GLB1L3: variants seen among roughly 807,000 people sequenced by gnomAD.
The protein encoded by GLB1L3 is galactosidase beta 1 like 3, also known as beta-galactosidase-1-like protein 3.
A neutral mutation model predicts 89.5 loss-of-function variants in GLB1L3; 89 were observed. The observed-to-expected ratio is 0.99, with a 90% CI of 0.84 to 1.19. The LOEUF (loss-of-function observed/expected upper bound fraction) is 1.19. Ranked by LOEUF, GLB1L3 falls within the 50% of genes most tolerant of loss-of-function variation. The pLI is 0.00. For synonymous variants in GLB1L3, 314 were observed against 312.3 expected (o/e 1.01, Z -0.06); for missense variants, 812 against 813.3 (o/e 1.00, Z 0.02).
At chr11:134,310,324 G>C (rs1383813153) in intron 11 of GLB1L3, 1 of 531,154 alleles carries the variant, frequency 1.9e-6, no homozygotes, top group East Asian at 2.9e-5. Context: ...GGTTGAACAA[G>C]TTTGCATTAG....
rs77085433 is a variant in GLB1L3 at position 134,311,322 on chromosome 11, C to T, written c.1287+152C>T. On this transcript the variant is annotated intron_variant, in intron 13 of 19. Transcript: ENST00000431683. The stretch of plus-strand genomic sequence containing the variant: ...TGGGACAAGAGCCACCAGCTCCTTC[C>T]GGGTGGACTGTGAAGGGGTTTGACC... 1,266 of 676,956 alleles carry T rather than the reference C, an allele frequency of 1.9e-3. 13 individuals are homozygous for T. Among genetic ancestry groups the T allele is most frequent in the African/African-American group, 0.018 (998 of 56,498 alleles). 41.9% of individuals were successfully genotyped at this position (676,956 alleles called of 1,614,324 possible). A position where few individuals can be genotyped will look rare whatever the true frequency, so the allele number is the denominator to read the frequency against.
chr11:134,316,187 T>C (rs1039157838), intron 18 of GLB1L3, among the ~76,000 whole-genome samples: 1 of 151,986 alleles, frequency 6.6e-6, no homozygotes, highest in African/African-American at 2.4e-5. Context: ...TTTGCCTATA[T>C]TGGAAATGAC....
At chr11:134,290,656 A>G (rs1186530934) in intron 7 of GLB1L3, among the ~76,000 whole-genome samples, 1 of 150,722 alleles carries the variant, frequency 6.6e-6, no homozygotes, top group African/African-American at 2.4e-5. Context: ...GTCTGACTCG[A>G]TAAGCACAGG....
At chr11:134,310,875 A>T (rs1942697939) in intron 12 of GLB1L3, 189 bp from the exon 13 acceptor site, 1 of 625,550 alleles carries the variant, frequency 1.6e-6, no homozygotes, top group East Asian at 2.7e-5. Flanking sequence ...ACTGAAGCAT[A>T]AAGATAGTAA....
At chr11:134,306,540 A>G (rs1942211943) in intron 9 of GLB1L3, among the ~76,000 whole-genome samples, 1 of 152,244 alleles carries the variant, frequency 6.6e-6, no homozygotes, top group Non-Finnish European at 1.5e-5. Context: ...ATCTTAGAGC[A>G]GCAGCATGCC....
chr11:134,302,789 G>GA (rs1293305812), intron 9 of GLB1L3, among the ~76,000 whole-genome samples: 2 of 152,164 alleles, frequency 1.3e-5, no homozygotes, highest in Non-Finnish European at 2.9e-5. Flanking sequence ...TGTTTGTAAT[G>GA]AATGTATTTT....
At chr11:134,320,139 C>CACCT (rs896504216), downstream of GLB1L3, among the ~76,000 whole-genome samples, 4 of 152,240 alleles carry the variant, frequency 2.6e-5, no homozygotes, top group Non-Finnish European at 5.9e-5. Flanking sequence ...AAATTCAAAC[C>CACCT]AATGCACTAT....
At chr11:134,296,748 A>G (rs959964273) in intron 9 of GLB1L3, among the ~76,000 whole-genome samples, 12 of 150,736 alleles carry the variant, frequency 8.0e-5, no homozygotes, top group African/African-American at 2.4e-4. Flanking sequence ...TGTAAATGAC[A>G]AGTTAATGGG....
intron 1 of GLB1L3, 61 bp from the exon 2 acceptor site, chr11:134,277,265 C>G (rs894432757): frequency 6.2e-7 from 1 of 1,609,484 alleles, no homozygotes; most frequent in Non-Finnish European, 8.5e-7. Flanking sequence ...AGCTTCCCGG[C>G]CCTTGCAGCC....
At chr11:134,308,440 C>CCATCAT (rs1942455256) in intron 10 of GLB1L3, among the ~76,000 whole-genome samples, 7 of 56,564 alleles carry the variant, frequency 1.2e-4, no homozygotes, top group Admixed American at 4.6e-4. Context: ...ACCACCACCA[C>CCATCAT]CACCATCACC....
downstream of GLB1L3, among the ~76,000 whole-genome samples, chr11:134,322,750 C>T (rs1943182525): frequency 6.6e-6 from 1 of 152,180 alleles, no homozygotes; most frequent in African/African-American, 2.4e-5. Context: ...TATATTCTAT[C>T]CTTTTTCATG....
chr11:134,325,255 G>A, the GLB1L3 span, among the ~76,000 whole-genome samples: 2 of 152,052 alleles, frequency 1.3e-5, no homozygotes, highest in African/African-American at 2.4e-5. Flanking sequence ...GAGTACAGTC[G>A]TCCTGCAGCA....
rs1450402444 is a variant in GLB1L3 at position 134,276,525 on chromosome 11, G to C, written c.-216G>C. On this transcript the variant is annotated 5_prime_UTR_variant, in exon 1 of 20. Coordinates refer to ENST00000431683, the MANE Select transcript of GLB1L3 (RefSeq NM_001080407.3). ...AACACCTGGAGCGCCGGCGGAGCTC[G>C]GCTGTCCCCGCGGGAGGGAGCCCGA... 3 of 393,474 alleles carry C rather than the reference G, an allele frequency of 7.6e-6. No individual in the cohort carries two copies. The highest frequency in any genetic ancestry group is 1.3e-5 in the Non-Finnish European group (3 of 226,632). 24.4% of individuals were successfully genotyped at this position (393,474 alleles called of 1,614,324 possible). A position where few individuals can be genotyped will look rare whatever the true frequency, so the allele number is the denominator to read the frequency against.
In GLB1L3 at chr11:134,305,161, C is replaced by A. The variant is rs974722925; in HGVS notation, c.877-1963C>A. Reference sequence around the variant, plus strand: ...CTGCTCTCAGATGCCTCACAAGCAGCAACTTCTTCCTCCTTATAGTTCTTA... The same window carrying A: ...CTGCTCTCAGATGCCTCACAAGCAGAAACTTCTTCCTCCTTATAGTTCTTA... On this transcript the variant is annotated intron_variant, in intron 9 of 19. Coordinates refer to ENST00000431683, the MANE Select transcript of GLB1L3 (RefSeq NM_001080407.3). 5 of 1,341,896 alleles carry A rather than the reference C, an allele frequency of 3.7e-6. No individual in the cohort carries two copies. In the Admixed American group the frequency reaches 7.9e-5, roughly 21 times the overall value. The allele number at this position is 1,341,896 out of a possible 1,614,324, so 83.1% of individuals were successfully genotyped here.
At chr11:134,315,608 T>G (rs1942945016) in intron 18 of GLB1L3, among the ~76,000 whole-genome samples, 2 of 152,212 alleles carry the variant, frequency 1.3e-5, no homozygotes, top group Non-Finnish European at 2.9e-5. Context: ...TTTAAAATAT[T>G]CGTTTTTGAT....
chr11:134,315,872 A>G (rs541243509), intron 18 of GLB1L3, among the ~76,000 whole-genome samples: 2 of 152,310 alleles, frequency 1.3e-5, no homozygotes, highest in South Asian at 4.1e-4. Context: ...AGATACTTAG[A>G]TAATGGACTT....
Position 134,283,752 on chromosome 11 carries a change from C to T in GLB1L3, c.543C>T (p.Asp181=), listed in dbSNP as rs1312133778. ...LGGLPSWLLQ[D]PRLLLRTTNK... ...TTGCCCCCAGCTGGCTCCTGCAAGA[C>T]CCCCGGTTACTGTTGAGGACAACCA... Residue 181 remains aspartate (D), a synonymous_variant, in exon 6 of 20, where the codon GAC becomes GAT. Coordinates refer to ENST00000431683, the MANE Select transcript of GLB1L3 (RefSeq NM_001080407.3). 1 of 1,610,920 alleles carries T rather than the reference C, an allele frequency of 6.2e-7. No homozygotes were observed. The highest frequency in any genetic ancestry group is 8.5e-7 in the Non-Finnish European group (1 of 1,178,110).
intron 10 of GLB1L3, among the ~76,000 whole-genome samples, chr11:134,308,561 A>ATCATCACCATCACCT (rs1942515936): frequency 7.4e-6 from 1 of 135,412 alleles, no homozygotes; most frequent in Admixed American, 7.5e-5. Flanking sequence ...CACCATCACC[A>ATCATCACCATCACCT]CCACCACCAC....
chr11:134,279,370 T>C (rs578243036), intron 3 of GLB1L3, among the ~76,000 whole-genome samples: 49 of 140,084 alleles, frequency 3.5e-4, no homozygotes, highest in East Asian at 9.9e-4. Context: ...TTTTCTTTTT[T>C]TTTTTTTTTT....
Sources: allele counts gnomAD v4.1 joint callset (sites outside exome capture counted in the v4.1 genomes callset), GRCh38; gene constraint gnomAD v4.1.1; transcripts MANE v1.5; gene names NCBI Gene and HGNC (gene_info 2026-07-23, HGNC 2026-07-21).